GRHL2: variants seen among roughly 807,000 people sequenced by gnomAD.
The protein encoded by GRHL2 is grainyhead like transcription factor 2, also known as grainyhead-like protein 2 homolog.
GRHL2 carries 21 observed loss-of-function variants against 83.8 expected under a neutral mutation model. The ratio of observed to expected loss-of-function variants is 0.25; its 90% CI spans 0.18 to 0.36. The LOEUF (loss-of-function observed/expected upper bound fraction) is 0.36. Ranked by LOEUF, GRHL2 falls within the 10% of genes least tolerant of loss-of-function variation. The pLI, the probability that GRHL2 is intolerant of heterozygous loss-of-function variation, is 1.00. For missense variants in GRHL2, 623 were observed against 781.8 expected (o/e 0.80, Z 2.42); for synonymous variants, 280 against 278.9 (o/e 1.00, Z -0.04).
chr8:101,657,893 C>T (rs1260837061), intron 14 of GRHL2, among the ~76,000 whole-genome samples: 1 of 151,920 alleles, frequency 6.6e-6, no homozygotes, highest in Non-Finnish European at 1.5e-5. Context: ...CCAAGCACTC[C>T]AAATCACCCT....
At chr8:101,650,758 C>T (rs1016090962) in intron 14 of GRHL2, among the ~76,000 whole-genome samples, 1 of 151,826 alleles carries the variant, frequency 6.6e-6, no homozygotes, top group Non-Finnish European at 1.5e-5. Context: ...ATCTACTAAA[C>T]AGCACTGAAT....
chr8:101,641,640 T>C (rs1813402906), intron 12 of GRHL2, among the ~76,000 whole-genome samples: 1 of 152,198 alleles, frequency 6.6e-6, no homozygotes, highest in African/African-American at 2.4e-5. Context: ...AGGTAATGGC[T>C]GAATGTGCTG....
At chr8:101,638,384 A>G (rs1813331995) in intron 12 of GRHL2, among the ~76,000 whole-genome samples, 1 of 152,200 alleles carries the variant, frequency 6.6e-6, no homozygotes, top group Non-Finnish European at 1.5e-5. Flanking sequence ...AAAGAATTCA[A>G]AAGAAGAAGA....
intron 11 of GRHL2, among the ~76,000 whole-genome samples, chr8:101,632,710 G>T (rs140337105): frequency 1.6e-3 from 250 of 152,362 alleles, no homozygotes; most frequent in African/African-American, 5.7e-3. Context: ...CTAATGGTGA[G>T]AAGTTGAACT....
intron 14 of GRHL2, among the ~76,000 whole-genome samples, chr8:101,663,482 C>G (rs1233394698): frequency 2.0e-5 from 3 of 151,888 alleles, no homozygotes; most frequent in Admixed American, 6.6e-5. Flanking sequence ...TGTGGTGGCA[C>G]TCACCTGTAG....
chr8:101,657,562 C>T (rs560048826), intron 14 of GRHL2, among the ~76,000 whole-genome samples: 6 of 152,186 alleles, frequency 3.9e-5, no homozygotes, highest in African/African-American at 9.6e-5. Context: ...AAGAAAAGGC[C>T]GGGCGTAGTG....
At chr8:101,572,561 C>T (rs903670960) in intron 5 of GRHL2, among the ~76,000 whole-genome samples, 13 of 152,028 alleles carry the variant, frequency 8.6e-5, no homozygotes, top group African/African-American at 3.1e-4. Context: ...AGCCTTCCAA[C>T]GACTATGAAA....
intron 12 of GRHL2, among the ~76,000 whole-genome samples, chr8:101,639,893 C>T (rs894556323): frequency 6.6e-5 from 10 of 152,232 alleles, no homozygotes; most frequent in Non-Finnish European, 1.2e-4. Context: ...AATTAATGCT[C>T]ACATTAGTGT....
At chr8:101,604,639 C>G (rs1021296146) in intron 8 of GRHL2, among the ~76,000 whole-genome samples, 2 of 152,074 alleles carry the variant, frequency 1.3e-5, no homozygotes, top group Admixed American at 1.3e-4. Flanking sequence ...GTCCATGTCT[C>G]TATGCTTCAC....
At chr8:101,494,963 G>T (rs1274559323) in intron 1 of GRHL2, among the ~76,000 whole-genome samples, 4 of 152,194 alleles carry the variant, frequency 2.6e-5, no homozygotes, top group Non-Finnish European at 4.4e-5. Context: ...TAATTCAACT[G>T]GTTTGTTTCT....
chr8:101,516,729 A>G (rs1448490304), intron 1 of GRHL2, among the ~76,000 whole-genome samples: 1 of 152,110 alleles, frequency 6.6e-6, no homozygotes, highest in Non-Finnish European at 1.5e-5. Context: ...GTTTACCTCC[A>G]TATGTCTCAG....
intron 7 of GRHL2, among the ~76,000 whole-genome samples, chr8:101,597,231 A>G (rs531664627): frequency 6.6e-6 from 1 of 152,186 alleles, no homozygotes; most frequent in South Asian, 2.1e-4. Flanking sequence ...AGGAGTATGA[A>G]TTTTTATCAC....
rs11382067 is a variant in GRHL2 at position 101,592,100 on chromosome 8, C to CTTTTTTTTTTTT, written c.1004-6946_1004-6935dup. ...GTACAGCACTTTCTTTCTTTCTTTT[C>CTTTTTTTTTTTT]TTTTTTTTTTTTTTTTTTTTTTGAG... is the stretch of plus-strand genomic sequence containing the variant. On this transcript the variant is annotated intron_variant, in intron 7 of 15. Coordinates refer to ENST00000646743, the MANE Select transcript of GRHL2 (RefSeq NM_024915.4). 3.7e-4 allele frequency among the ~76,000 whole-genome samples: 33 copies of CTTTTTTTTTTTT among 90,300 alleles called. 4 individuals carry two copies. The highest frequency in any genetic ancestry group is 0.01 in the Middle Eastern group (1 of 98). 59.2% of individuals were successfully genotyped at this position (90,300 alleles called of 152,430 possible).
In GRHL2 at chr8:101,619,594, A is replaced by G; in HGVS notation, c.1154A>G (p.Lys385Arg). Residue 385 changes from lysine to arginine, a missense_variant, in exon 9 of 16, where the codon AAA (lysine) becomes AGA (arginine). By Grantham distance (26) the Lys-to-Arg change is conservative (BLOSUM62 2). Coordinates refer to ENST00000646743, the MANE Select transcript of GRHL2 (RefSeq NM_024915.4). ...GATTTCTCCTCCCAAAAAGGGGTGA[A>G]AGGACTTCCTTTGATGATTCAGATT... Reference protein sequence around the residue: ...STDFSSQKGVKGLPLMIQIDT... With the variant: ...STDFSSQKGVRGLPLMIQIDT... 3 of 1,613,616 alleles carry G rather than the reference A, an allele frequency of 1.9e-6. No individual in the cohort carries two copies. Among genetic ancestry groups the G allele is most frequent in the Non-Finnish European group, 2.5e-6 (3 of 1,179,616 alleles).
chr8:101,542,036 C>A (rs1044589431), intron 1 of GRHL2, among the ~76,000 whole-genome samples: 1 of 152,178 alleles, frequency 6.6e-6, no homozygotes, highest in Non-Finnish European at 1.5e-5. Flanking sequence ...TGTTCCATAT[C>A]ATTTTACACA....
chr8:101,533,646 G>A (rs1312925395), intron 1 of GRHL2, among the ~76,000 whole-genome samples: 1 of 152,210 alleles, frequency 6.6e-6, no homozygotes, highest in African/African-American at 2.4e-5. Flanking sequence ...GAGATAGAAA[G>A]TTTTAAAGGA....
At chr8:101,640,545 A>G (rs745970770) in intron 12 of GRHL2, among the ~76,000 whole-genome samples, 1 of 152,242 alleles carries the variant, frequency 6.6e-6, no homozygotes, top group African/African-American at 2.4e-5. Flanking sequence ...TTGATATGCA[A>G]ATAGCATGCA....
intron 5 of GRHL2, among the ~76,000 whole-genome samples, chr8:101,572,224 G>T (rs1401327839): frequency 6.6e-6 from 1 of 152,138 alleles, no homozygotes; most frequent in Non-Finnish European, 1.5e-5. Flanking sequence ...CTAATATCCT[G>T]TCCAGGTCTA....
intron 1 of GRHL2, among the ~76,000 whole-genome samples, chr8:101,519,232 A>C (rs971893516): frequency 5.3e-5 from 8 of 151,526 alleles, no homozygotes; most frequent in Non-Finnish European, 1.2e-4. Flanking sequence ...TATGTTGCCC[A>C]GGCTGATCTT....
Sources: gnomAD v4.1 joint callset for allele counts (sites outside exome capture counted in the v4.1 genomes callset) on GRCh38, gnomAD v4.1.1 for gene constraint, MANE v1.5 for transcripts, NCBI Gene and HGNC (gene_info 2026-07-23, HGNC 2026-07-21) for gene names.